TAFA4: variants seen among roughly 807,000 people sequenced by gnomAD.
The protein encoded by TAFA4 is TAFA chemokine like family member 4, also known as chemokine-like protein TAFA-4.
A neutral mutation model predicts 21.1 loss-of-function variants in TAFA4; 20 were observed. That is an observed-to-expected ratio of 0.95 (90% CI 0.67 to 1.38). The LOEUF is 1.38. TAFA4 is among the 40% of genes most tolerant of loss of function. TAFA4 has a pLI of 0.00. For missense variants in TAFA4, 211 were observed against 180.9 expected (o/e 1.17, Z -0.95); for synonymous variants, 71 against 67.4 (o/e 1.05, Z -0.26).
chr3:68,804,868 A>T, intron 3 of TAFA4, among the ~76,000 whole-genome samples: 1 of 152,254 alleles, frequency 6.6e-6, no homozygotes, highest in Non-Finnish European at 1.5e-5. Flanking sequence ...AAACCTAGGC[A>T]ATACCATTCA....
At chr3:68,872,153 T>C (rs970397377) in intron 3 of TAFA4, among the ~76,000 whole-genome samples, 8 of 152,120 alleles carry the variant, frequency 5.3e-5, no homozygotes, top group African/African-American at 1.9e-4. Context: ...ACAACGTAAG[T>C]GTCCATCACT....
intron 1 of TAFA4, among the ~76,000 whole-genome samples, chr3:68,896,327 G>A (rs183326235): frequency 3.2e-4 from 48 of 152,238 alleles, no homozygotes; most frequent in African/African-American, 1.0e-3. Context: ...CCTGATGTGG[G>A]GGCAGGATCG....
At chr3:68,847,671 A>T (rs1704840237) in intron 3 of TAFA4, among the ~76,000 whole-genome samples, 1 of 152,232 alleles carries the variant, frequency 6.6e-6, no homozygotes, top group African/African-American at 2.4e-5. Flanking sequence ...CAGGTTGAGA[A>T]GACCATGGGA....
chr3:68,880,136 T>A (rs1215033088), intron 3 of TAFA4, among the ~76,000 whole-genome samples: 1 of 150,892 alleles, frequency 6.6e-6, no homozygotes, highest in Non-Finnish European at 1.5e-5. Flanking sequence ...AAATCAGCAA[T>A]GCAGAGATAT....
At chr3:68,835,608 T>C (rs1410617183) in intron 3 of TAFA4, among the ~76,000 whole-genome samples, 3 of 152,244 alleles carry the variant, frequency 2.0e-5, no homozygotes, top group Admixed American at 6.5e-5. Flanking sequence ...CAGAGAAAGA[T>C]GTTTTTGTGA....
chr3:68,789,580 G>A (rs1575609362), intron 3 of TAFA4, among the ~76,000 whole-genome samples: 1 of 152,042 alleles, frequency 6.6e-6, no homozygotes, highest in African/African-American at 2.4e-5. Context: ...TAAAGCTGGG[G>A]GAGCACATCT....
chr3:68,788,872 C>T (rs1332012566), intron 3 of TAFA4, among the ~76,000 whole-genome samples: 1 of 152,186 alleles, frequency 6.6e-6, no homozygotes. Context: ...TATCCTCCTA[C>T]CCTGGCCTTC....
At chr3:68,848,886 G>C (rs11709293) in intron 3 of TAFA4, among the ~76,000 whole-genome samples, 1 of 151,520 alleles carries the variant, frequency 6.6e-6, no homozygotes, top group Non-Finnish European at 1.5e-5. Context: ...TCACCCAACA[G>C]AAATAAACTT....
At position 68,880,864 on chromosome 3, in the gene TAFA4, T is replaced by C. The variant is rs377392286; in HGVS notation, c.15-19A>G. The C allele has an allele frequency of 6.2e-7, 1 of 1,605,758 alleles. No individual in the cohort carries two copies. Among genetic ancestry groups the C allele is most frequent in the Admixed American group, 1.7e-5 (1 of 59,936 alleles). ...TCTCATCCTGGAGGAAAAGCAGGGC[T>C]GGAGTCAGTGAGGGCTGAGGAAGGC... is the stretch of plus-strand genomic sequence containing the variant. On this transcript the variant is annotated intron_variant, in intron 2 of 5. Coordinates refer to ENST00000295569, the MANE Select transcript of TAFA4 (RefSeq NM_182522.5).
At chr3:68,887,352 C>T (rs1559554304) in intron 1 of TAFA4, among the ~76,000 whole-genome samples, 1 of 152,148 alleles carries the variant, frequency 6.6e-6, no homozygotes, top group Non-Finnish European at 1.5e-5. Flanking sequence ...GCCCCTGTGG[C>T]TTTGCTGGAC....
In TAFA4 at chr3:68,830,469, T is replaced by C. The variant is rs553306606; in HGVS notation, c.130+50261A>G. On this transcript the variant is annotated intron_variant, in intron 3 of 5. Coordinates refer to ENST00000295569, the MANE Select transcript of TAFA4 (RefSeq NM_182522.5). ...TACCCAGTAGTCATTCAGGAGCAGA[T>C]TGTTCACTTTCCATGTAGTTGTGCA... Among the ~76,000 whole-genome samples, 7 of 152,330 alleles carry C rather than the reference T, an allele frequency of 4.6e-5. No individual in the cohort carries two copies. In the South Asian group the frequency reaches 1.0e-3, roughly 23 times the overall value.
At chr3:68,735,686 A>T (rs143323117) in intron 5 of TAFA4, among the ~76,000 whole-genome samples, 1 of 152,280 alleles carries the variant, frequency 6.6e-6, no homozygotes, top group East Asian at 1.9e-4. Context: ...TGTTGCTTCC[A>T]TTCTGTACAA....
intron 4 of TAFA4, among the ~76,000 whole-genome samples, chr3:68,750,094 G>A (rs1333564994): frequency 1.3e-5 from 2 of 152,176 alleles, no homozygotes; most frequent in Non-Finnish European, 2.9e-5. Context: ...GTTAACCTGA[G>A]AGTCTGTTTG....
chr3:68,851,401 C>T (rs549435125), intron 3 of TAFA4, among the ~76,000 whole-genome samples: 91 of 152,038 alleles, frequency 6.0e-4, no homozygotes, highest in African/African-American at 2.0e-3. Context: ...GGACTTAATA[C>T]CTAGGTGATG....
In TAFA4 at chr3:68,830,229, GC is replaced by G. The variant is rs1479874354; in HGVS notation, c.130+50500del. On this transcript the variant is annotated intron_variant, in intron 3 of 5. Coordinates refer to ENST00000295569, the MANE Select transcript of TAFA4 (RefSeq NM_182522.5). ...CTTAGTTATTTCTTGTCTTCTGCTA[GC>G]TTTTGAATTTGTTTGCTCTTGCTTC... Among the ~76,000 whole-genome samples the G allele has an allele frequency of 5.9e-5, 9 of 152,206 alleles. No individual in the cohort carries two copies. The East Asian group carries it at 1.7e-3, about 29-fold the overall frequency.
intron 3 of TAFA4, among the ~76,000 whole-genome samples, chr3:68,863,179 G>C (rs2089372908): frequency 6.6e-6 from 1 of 151,922 alleles, no homozygotes; most frequent in African/African-American, 2.4e-5. Flanking sequence ...GAAGGTGGGG[G>C]TTGCAGTGAG....
chr3:68,755,063 C>T (rs966829603), intron 3 of TAFA4, among the ~76,000 whole-genome samples: 1 of 152,162 alleles, frequency 6.6e-6, no homozygotes, highest in African/African-American at 2.4e-5. Flanking sequence ...GATTCAGGCC[C>T]TTTCAGCAAA....
intron 3 of TAFA4, among the ~76,000 whole-genome samples, chr3:68,818,469 T>C (rs1704037420): frequency 6.6e-6 from 1 of 152,228 alleles, no homozygotes; most frequent in African/African-American, 2.4e-5. Flanking sequence ...CTTCACTGTT[T>C]GGTGCAAGAG....
At chr3:68,767,609 T>C (rs532795065) in intron 3 of TAFA4, among the ~76,000 whole-genome samples, 1 of 152,102 alleles carries the variant, frequency 6.6e-6, no homozygotes, top group Admixed American at 6.5e-5. Context: ...AGAGCAGTAA[T>C]TGCAACTGAA....
Sources: allele counts gnomAD v4.1 joint callset (sites outside exome capture counted in the v4.1 genomes callset), GRCh38; gene constraint gnomAD v4.1.1; transcripts MANE v1.5; gene names NCBI Gene and HGNC (gene_info 2026-07-23, HGNC 2026-07-21).